The following FARP1 variants were observed in gnomAD, a reference collection of about 807,000 sequenced individuals.
The protein encoded by FARP1 is FERM, ARH/RhoGEF and pleckstrin domain protein 1.
In FARP1, 52 loss-of-function variants were observed where a neutral mutation model predicts 128.8. The observed-to-expected ratio is 0.40, with a 90% CI of 0.32 to 0.51. The LOEUF is 0.51. Among genes scored for constraint, FARP1 ranks in the 20% least tolerant of loss-of-function variants. The probability of loss-of-function intolerance (pLI) is 0.45; values close to 1 mark genes in which losing one functional copy is unlikely to be tolerated. For synonymous variants in FARP1, 580 were observed against 551.8 expected, an observed-to-expected ratio of 1.05 and a Z score of -0.72; for missense variants, 1,333 against 1,367.9, an observed-to-expected ratio of 0.97 and a Z score of 0.40.
chr13:98,395,964 G>A (rs1435853122), intron 13 of FARP1: 2 of 399,254 alleles, frequency 5.0e-6, no homozygotes, highest in African/African-American at 4.1e-5. Context: ...ATAGAGAGGG[G>A]AGTATGGGAG....
intron 16 of FARP1, among the ~76,000 whole-genome samples, chr13:98,422,745 G>A (rs980818639): frequency 1.3e-5 from 2 of 152,058 alleles, no homozygotes; most frequent in African/African-American, 2.4e-5. Context: ...TCTTCTGTTC[G>A]TCAGAAGATC....
intron 1 of FARP1, among the ~76,000 whole-genome samples, chr13:98,168,417 C>T (rs375671449): frequency 2.2e-4 from 33 of 152,178 alleles, no homozygotes; most frequent in Admixed American, 2.1e-3. Flanking sequence ...TTGTCTAAAT[C>T]GACTTTTAGT....
intron 2 of FARP1, among the ~76,000 whole-genome samples, chr13:98,256,953 A>ATATATATATATATATATATG (rs1566801038): frequency 1.2e-4 from 6 of 48,874 alleles, no homozygotes; most frequent in Non-Finnish European, 1.0e-4. Flanking sequence ...ATGTGGATAT[A>ATATATATATATATATATATG]TATATATATA....
chr13:98,241,705 C>T (rs141422337), intron 2 of FARP1, among the ~76,000 whole-genome samples: 126 of 152,210 alleles, frequency 8.3e-4, no homozygotes, highest in African/African-American at 2.7e-3. Flanking sequence ...CACCTGAGGT[C>T]ATCAGGGGTT....
intron 2 of FARP1, among the ~76,000 whole-genome samples, chr13:98,275,988 G>T (rs9513388): frequency 0.25 from 37,315 of 152,110 alleles, 5,326 homozygotes; most frequent in South Asian, 0.45. Context: ...ATGTCATTAT[G>T]GAAAGTCCTA....
At chr13:98,213,874 A>G (rs1451877724) in intron 2 of FARP1, among the ~76,000 whole-genome samples, 1 of 151,990 alleles carries the variant, frequency 6.6e-6, no homozygotes, top group Non-Finnish European at 1.5e-5. Flanking sequence ...CAGTCCCGAG[A>G]GCATCATTAA....
intron 17 of FARP1, among the ~76,000 whole-genome samples, chr13:98,426,132 G>A (rs569183533): frequency 2.0e-5 from 3 of 152,070 alleles, no homozygotes; most frequent in African/African-American, 7.2e-5. Context: ...TTACCATTAG[G>A]GTTTGTCTTA....
At chr13:98,372,857 A>G (rs749227385) in intron 5 of FARP1, among the ~76,000 whole-genome samples, 1 of 152,160 alleles carries the variant, frequency 6.6e-6, no homozygotes, top group Non-Finnish European at 1.5e-5. Flanking sequence ...CATTGTGTTT[A>G]CCGGTTCAGT....
At chr13:98,390,921 C>G (rs1890281560) in intron 11 of FARP1, 41 bp downstream of exon 11, 3 of 1,343,380 alleles carry the variant, frequency 2.2e-6, no homozygotes, top group Admixed American at 3.4e-5. Context: ...TGAGAAGGCT[C>G]AGACTCGCCA....
At chr13:98,233,478 C>A (rs770034058) in intron 2 of FARP1, among the ~76,000 whole-genome samples, 44 of 152,238 alleles carry the variant, frequency 2.9e-4, no homozygotes, top group Non-Finnish European at 5.0e-4. Context: ...AGTCCCAGCT[C>A]CTTCCCCCAA....
Position 98,274,896 on chromosome 13 carries a change from C to T in FARP1, c.171+61483C>T, listed in dbSNP as rs1338407116. ...GGTAAATTTTGTATTCAGATCAGATCACTTTATTCTCAAGGTTTTAATTTA... is the reference window on the plus strand; with the variant it reads ...GGTAAATTTTGTATTCAGATCAGATTACTTTATTCTCAAGGTTTTAATTTA... On this transcript the variant is annotated intron_variant, in intron 2 of 26. Transcript: ENST00000319562. 3.3e-5 allele frequency among the ~76,000 whole-genome samples: 5 copies of T among 152,308 alleles called. No homozygotes were observed. The South Asian group carries it at 8.3e-4, about 25-fold the overall frequency.
intron 2 of FARP1, among the ~76,000 whole-genome samples, chr13:98,312,218 G>A (rs1450669925): frequency 7.2e-6 from 1 of 139,280 alleles, no homozygotes; most frequent in Non-Finnish European, 1.5e-5. Context: ...TTGGCTCACT[G>A]CAAGCTCCAC....
At chr13:98,269,871 T>G (rs1448554115) in intron 2 of FARP1, among the ~76,000 whole-genome samples, 1 of 152,188 alleles carries the variant, frequency 6.6e-6, no homozygotes, top group Non-Finnish European at 1.5e-5. Flanking sequence ...ATTCCAGCAC[T>G]TTGGAAGGCC....
chr13:98,266,039 A>G (rs1884096827), intron 2 of FARP1, among the ~76,000 whole-genome samples: 1 of 152,078 alleles, frequency 6.6e-6, no homozygotes, highest in South Asian at 2.1e-4. Context: ...AGGACTTGAA[A>G]GCGCTTTTTT....
intron 5 of FARP1, among the ~76,000 whole-genome samples, chr13:98,369,178 G>A (rs111693615): frequency 0.041 from 6,231 of 152,034 alleles, 160 homozygotes; most frequent in Middle Eastern, 0.099. Flanking sequence ...ACCTGCTTCA[G>A]CCTCCCAAAA....
intron 16 of FARP1, among the ~76,000 whole-genome samples, chr13:98,416,632 G>A (rs1566304561): frequency 6.6e-6 from 1 of 152,216 alleles, no homozygotes; most frequent in Non-Finnish European, 1.5e-5. Flanking sequence ...AGCAAGAACA[G>A]TTTACTCAGC....
chr13:98,215,001 A>G (rs972258009), intron 2 of FARP1, among the ~76,000 whole-genome samples: 5 of 152,184 alleles, frequency 3.3e-5, no homozygotes, highest in African/African-American at 9.7e-5. Flanking sequence ...CACACATTCT[A>G]TTACACGGTG....
chr13:98,172,751 C>T (rs951118637), intron 1 of FARP1, among the ~76,000 whole-genome samples: 1 of 152,152 alleles, frequency 6.6e-6, no homozygotes, highest in African/African-American at 2.4e-5. Context: ...AGGCCCTTGA[C>T]ATTCGTTTAA....
chr13:98,343,768 G>A lies in FARP1; in HGVS notation c.178G>A (p.Ala60Thr). Reference protein sequence around the residue: ...TQEAFEVPQRAPGKVLLDAVC... With the variant: ...TQEAFEVPQRTPGKVLLDAVC... ...CTGTTGTTTCTGCTCACAGCAAAGA[G>A]CTCCTGGGAAGGTGCTGCTGGATGC... The change falls in exon 3 of 27, where the codon GCT (alanine) becomes ACT (threonine). Residue 60 changes from alanine (A) to threonine (T), a missense_variant. Coordinates refer to ENST00000319562, the MANE Select transcript of FARP1 (RefSeq NM_005766.4). 2 of 1,613,356 alleles carry A rather than the reference G, an allele frequency of 1.2e-6. No individual in the cohort carries two copies. The highest frequency in any genetic ancestry group is 1.7e-6 in the Non-Finnish European group (2 of 1,179,260).
Sources: allele counts gnomAD v4.1 joint callset (sites outside exome capture counted in the v4.1 genomes callset), GRCh38; gene constraint gnomAD v4.1.1; transcripts MANE v1.5; gene names NCBI Gene and HGNC (gene_info 2026-07-23, HGNC 2026-07-21).